The following CTNNA3 variants were observed in gnomAD, a reference collection of about 807,000 sequenced individuals.
CTNNA3 encodes the protein catenin alpha 3.
In CTNNA3, 76 loss-of-function variants were observed where a neutral mutation model predicts 95.7. That is an observed-to-expected ratio of 0.79 (90% confidence interval 0.66 to 0.96). The LOEUF is 0.96. Ranked by LOEUF, CTNNA3 falls within the 40% of genes least tolerant of loss-of-function variation. CTNNA3 has a pLI of 0.00. For missense variants in CTNNA3, 1,191 were observed against 1,089.8 expected, an observed-to-expected ratio of 1.09 and a Z score of -1.31; for synonymous variants, 431 against 374.4, an observed-to-expected ratio of 1.15 and a Z score of -1.74.
At chr10:66,948,418 GTAAC>G (rs1848381023) in intron 7 of CTNNA3, among the ~76,000 whole-genome samples, 1 of 152,176 alleles carries the variant, frequency 6.6e-6, no homozygotes, top group African/African-American at 2.4e-5. Context: ...ATGCACTTGC[GTAAC>G]AACATGGAGA....
At chr10:67,136,844 T>C (rs541672883) in intron 7 of CTNNA3, among the ~76,000 whole-genome samples, 5 of 152,326 alleles carry the variant, frequency 3.3e-5, no homozygotes, top group African/African-American at 1.2e-4. Context: ...TTGCCTTAAG[T>C]ATTTGGATGT....
At position 66,763,941 on chromosome 10, in the gene CTNNA3, C is replaced by T. The variant is rs1332423736; in HGVS notation, c.1281+2323G>A. On this transcript the variant is annotated intron_variant, in intron 9 of 17. Transcript: ENST00000433211. ...CTGCCAGTATGTGACAGCAATCACA[C>T]GAGAAACCTTAAGCAAAAATTGCCC... Among the ~76,000 whole-genome samples the T allele has an allele frequency of 5.9e-5, 9 of 152,262 alleles. No individual in the cohort carries two copies. The East Asian group carries it at 9.6e-4, about 16-fold the overall frequency.
chr10:66,067,516 G>C (rs1162786717), intron 15 of CTNNA3, among the ~76,000 whole-genome samples: 1 of 152,112 alleles, frequency 6.6e-6, no homozygotes, highest in Non-Finnish European at 1.5e-5. Flanking sequence ...CATTCTGAAG[G>C]CTACCATATA....
chr10:67,659,880 T>C (rs1840131123), intron 1 of CTNNA3, among the ~76,000 whole-genome samples: 1 of 152,222 alleles, frequency 6.6e-6, no homozygotes, highest in Non-Finnish European at 1.5e-5. Context: ...GCAAAGGTAG[T>C]AGAATTCTCA....
intron 5 of CTNNA3, among the ~76,000 whole-genome samples, chr10:67,231,881 C>T (rs1051925909): frequency 2.6e-5 from 4 of 151,982 alleles, no homozygotes; most frequent in Admixed American, 6.6e-5. Context: ...CCTCAGGAGC[C>T]GATGCGATCA....
intron 13 of CTNNA3, among the ~76,000 whole-genome samples, chr10:66,112,382 T>A (rs1044503149): frequency 6.6e-6 from 1 of 152,164 alleles, no homozygotes; most frequent in Non-Finnish European, 1.5e-5. Flanking sequence ...CTTCTTACAA[T>A]CTTTTAAAAT....
In CTNNA3 at chr10:66,205,129, A is replaced by AT. The variant is rs577949647; in HGVS notation, c.1884+75340dup. On this transcript the variant is annotated intron_variant, in intron 13 of 17. Transcript: ENST00000433211. ...CTTTTCTGTCCACTAATTAAGCTTG[A>AT]TTTTTTTTCCAGGCATAGTTTTGAA... Among the ~76,000 whole-genome samples, 8 of 151,824 alleles carry AT rather than the reference A, an allele frequency of 5.3e-5. No homozygotes were observed. The South Asian group carries it at 6.2e-4, about 12-fold the overall frequency.
At chr10:66,793,647 T>C (rs1841071192) in intron 7 of CTNNA3, among the ~76,000 whole-genome samples, 1 of 152,188 alleles carries the variant, frequency 6.6e-6, no homozygotes. Flanking sequence ...TAAATTACAA[T>C]GTTTTCATAA....
intron 7 of CTNNA3, among the ~76,000 whole-genome samples, chr10:67,091,196 A>G (rs1332703254): frequency 6.6e-6 from 1 of 152,094 alleles, no homozygotes; most frequent in African/African-American, 2.4e-5. Flanking sequence ...ACCCAAAGCT[A>G]GTTATGAAAA....
chr10:66,069,470 G>C lies in CTNNA3; in HGVS notation c.1997C>G (p.Pro666Arg). 6.2e-7 allele frequency: 1 copy of C among 1,611,998 alleles called. No homozygotes were observed. The highest frequency in any genetic ancestry group is 8.5e-7 in the Non-Finnish European group (1 of 1,179,210). Residue 666 changes from proline (P) to arginine (R), a missense_variant, in exon 15 of 18, where the codon CCT (proline) becomes CGT (arginine). Physicochemically the swap from Pro to Arg is moderately radical, Grantham distance 103. Transcript: ENST00000433211. Reference protein sequence around the residue: ...KTDRAKMTQLPEAEKEKIAEQ... With the variant: ...KTDRAKMTQLREAEKEKIAEQ... ...AGCAATCTTTTCTTTTTCTGCCTCAGGCAGTTGAGTCATCTTAGCCTAAAA... is the reference window on the plus strand; with the variant it reads ...AGCAATCTTTTCTTTTTCTGCCTCACGCAGTTGAGTCATCTTAGCCTAAAA...
chr10:66,355,077 G>C (rs2092598563), intron 12 of CTNNA3, among the ~76,000 whole-genome samples: 1 of 152,112 alleles, frequency 6.6e-6, no homozygotes, highest in Non-Finnish European at 1.5e-5. Flanking sequence ...CTTAATTCTG[G>C]TGTGGCGTTC....
chr10:66,045,332 C>T (rs2079806763), intron 15 of CTNNA3, among the ~76,000 whole-genome samples: 2 of 152,120 alleles, frequency 1.3e-5, no homozygotes, highest in South Asian at 4.1e-4. Context: ...TCTACCTAAA[C>T]CTTAAAATAT....
chr10:67,424,759 C>A (rs1045427412), intron 5 of CTNNA3, among the ~76,000 whole-genome samples: 4 of 151,960 alleles, frequency 2.6e-5, no homozygotes, highest in Non-Finnish European at 4.4e-5. Flanking sequence ...TTATGCTCAT[C>A]GACTAAATTG....
chr10:66,926,610 T>G (rs1161365839), intron 7 of CTNNA3: 2 of 1,613,742 alleles, frequency 1.2e-6, no homozygotes, highest in Admixed American at 3.3e-5. Flanking sequence ...ATTTTTCTTC[T>G]TTCCTTCTTA....
intron 7 of CTNNA3, among the ~76,000 whole-genome samples, chr10:66,943,374 C>A (rs1209854270): frequency 6.6e-6 from 1 of 152,040 alleles, no homozygotes; most frequent in Non-Finnish European, 1.5e-5. Flanking sequence ...AGAGAAATTA[C>A]TCTTAAATTA....
Position 66,650,472 on chromosome 10 carries a change from G to A in CTNNA3, c.1282-28688C>T, listed in dbSNP as rs566759353. The stretch of plus-strand genomic sequence containing the variant: ...GAAATTAAAAACTATTTTGAGATAA[G>A]TGAAAAGAGAGACACAAAACAGCAA... On this transcript the variant is annotated intron_variant, in intron 9 of 17. Transcript: ENST00000433211. Among the ~76,000 whole-genome samples the A allele has an allele frequency of 2.0e-5, 3 of 152,294 alleles. No homozygotes were observed. In the South Asian group the frequency reaches 6.2e-4, roughly 32 times the overall value.
chr10:67,703,137 G>A (rs954310743), intron 1 of CTNNA3, among the ~76,000 whole-genome samples: 1 of 152,166 alleles, frequency 6.6e-6, no homozygotes, highest in Non-Finnish European at 1.5e-5. Flanking sequence ...ACAATCAATA[G>A]CTTACCCACC....
intron 7 of CTNNA3, among the ~76,000 whole-genome samples, chr10:66,866,054 T>C (rs574919346): frequency 1.1e-4 from 16 of 152,220 alleles, no homozygotes; most frequent in Non-Finnish European, 2.1e-4. Flanking sequence ...TTAAAATAAA[T>C]ATAAAGGTTA....
At chr10:66,897,726 G>T (rs1289233033) in intron 7 of CTNNA3, among the ~76,000 whole-genome samples, 2 of 151,964 alleles carry the variant, frequency 1.3e-5, no homozygotes, top group Non-Finnish European at 2.9e-5. Context: ...TAGTTTAAGA[G>T]AAAAGAGATA....
Sources: allele counts gnomAD v4.1 joint callset (sites outside exome capture counted in the v4.1 genomes callset), GRCh38; gene constraint gnomAD v4.1.1; transcripts MANE v1.5; gene names NCBI Gene and HGNC (gene_info 2026-07-23, HGNC 2026-07-21).